Variants in PCDH11X observed in about 807,000 individuals in gnomAD.
The protein encoded by PCDH11X is protocadherin-11 X-linked.
A neutral mutation model predicts 53.3 loss-of-function variants in PCDH11X; 18 were observed. The ratio of observed to expected loss-of-function variants is 0.34; its 90% CI spans 0.23 to 0.50. The LOEUF (loss-of-function observed/expected upper bound fraction) is 0.50, where lower values mean the gene tolerates loss of function less well. Among genes scored for constraint, PCDH11X ranks in the 20% least tolerant of loss-of-function variants. PCDH11X has a pLI of 0.98. For synonymous variants in PCDH11X, 279 were observed against 393.3 expected (o/e 0.71, Z 3.44); for missense variants, 570 against 1,032.4 (o/e 0.55, Z 6.14).
intron 10 of PCDH11X, among the ~76,000 whole-genome samples, chrX:92,577,508 T>C (rs1488017482): frequency 9.1e-6 from 1 of 110,451 alleles, no homozygotes; most frequent in Non-Finnish European, 1.9e-5. Context: ...CCAAGATTAG[T>C]TGAGTTTTTG....
chrX:92,432,300 T>A (rs1288202924), intron 9 of PCDH11X, among the ~76,000 whole-genome samples: 2 of 110,635 alleles, frequency 1.8e-5, no homozygotes, highest in African/African-American at 6.5e-5. Context: ...GAAATACCAT[T>A]TAGATTAGAT....
At chrX:92,598,130 A>C (rs926346960) in intron 10 of PCDH11X, among the ~76,000 whole-genome samples, 11 of 111,766 alleles carry the variant, frequency 9.8e-5, no homozygotes, top group African/African-American at 3.6e-4. Flanking sequence ...CAATCCAGGC[A>C]AAGTTTTCTG....
chrX:92,048,024 G>C (rs1332503593), intron 6 of PCDH11X, among the ~76,000 whole-genome samples: 1 of 110,656 alleles, frequency 9.0e-6, no homozygotes, highest in Non-Finnish European at 1.9e-5. Context: ...TTCAGGTCAG[G>C]CTAAAGTAAT....
intron 10 of PCDH11X, among the ~76,000 whole-genome samples, chrX:92,564,420 A>T (rs1426942207): frequency 9.7e-6 from 1 of 102,765 alleles, no homozygotes. Flanking sequence ...AAAAACAGAC[A>T]CATAGACCAA....
At position 92,584,789 on chromosome X, in the gene PCDH11X, CT is replaced by C. The variant is rs1171667582; in HGVS notation, c.3368-33454del. ...AGGCCAGCATTATTCTCTTTTTTTCCTTTTTTTTTTTTTTTTTTTTTGAGAC... is the reference window on the plus strand; with the variant it reads ...AGGCCAGCATTATTCTCTTTTTTTCCTTTTTTTTTTTTTTTTTTTTGAGAC... On this transcript the variant is annotated intron_variant, in intron 10 of 10. Coordinates refer to ENST00000682573, the MANE Select transcript of PCDH11X (RefSeq NM_032968.5). Among the ~76,000 whole-genome samples the C allele has an allele frequency of 8.8e-3, 575 of 65,099 alleles. 2 individuals are homozygous for C. Among genetic ancestry groups the C allele is most frequent in the East Asian group, 0.037 (72 of 1,936 alleles). The allele number at this position is 65,099 out of a possible 115,157, so 56.5% of individuals were successfully genotyped here. A position where few individuals can be genotyped will look rare whatever the true frequency, so the allele number is the denominator to read the frequency against.
At chrX:91,790,842 A>G (rs758502198) in intron 1 of PCDH11X, among the ~76,000 whole-genome samples, 1 of 110,839 alleles carries the variant, frequency 9.0e-6, no homozygotes, top group South Asian at 3.9e-4. Flanking sequence ...CCATTGAAAT[A>G]AGTGTAAATG....
intron 10 of PCDH11X, among the ~76,000 whole-genome samples, chrX:92,515,965 A>G (rs1398825584): frequency 8.9e-6 from 1 of 112,124 alleles, no homozygotes; most frequent in Non-Finnish European, 1.9e-5. Flanking sequence ...TATACTGCTC[A>G]TGATTCAGTA....
rs751430431 is a variant in PCDH11X at position 92,141,365 on chromosome X, T to G, written c.3034-60010T>G. On this transcript the variant is annotated intron_variant, in intron 6 of 10. Transcript: ENST00000682573. ...CTTGTCTGACTGCTGGGTCAGCAAG[T>G]GGAAATTGCAACATGATTAAGTACT... Among the ~76,000 whole-genome samples the G allele has an allele frequency of 2.7e-5, 3 of 111,908 alleles. No homozygotes were observed. In the East Asian group the frequency reaches 8.4e-4, roughly 31 times the overall value.
intron 8 of PCDH11X, among the ~76,000 whole-genome samples, chrX:92,341,186 C>T (rs1441218704): frequency 8.9e-6 from 1 of 111,856 alleles, no homozygotes; most frequent in African/African-American, 3.3e-5. Flanking sequence ...CATCTGCGAA[C>T]ACGGCAGCCT....
At chrX:91,917,324 G>A (rs1450828870) in intron 6 of PCDH11X, among the ~76,000 whole-genome samples, 1 of 106,050 alleles carries the variant, frequency 9.4e-6, no homozygotes, top group Non-Finnish European at 1.9e-5. Flanking sequence ...AATCAGACAA[G>A]ATAAAGGAAT....
intron 9 of PCDH11X, among the ~76,000 whole-genome samples, chrX:92,396,154 C>T (rs754148316): frequency 1.9e-5 from 2 of 107,165 alleles, no homozygotes; most frequent in Non-Finnish European, 3.8e-5. Flanking sequence ...ATTGTGTGTA[C>T]GTGTGTGTAT....
intron 10 of PCDH11X, among the ~76,000 whole-genome samples, chrX:92,575,167 G>A (rs766783814): frequency 2.7e-5 from 3 of 110,138 alleles, no homozygotes; most frequent in East Asian, 5.7e-4. Flanking sequence ...ATGCATGTAC[G>A]TGTAAGATAA....
At chrX:91,851,517 A>C (rs1254888386) in intron 5 of PCDH11X, among the ~76,000 whole-genome samples, 1 of 111,805 alleles carries the variant, frequency 8.9e-6, no homozygotes, top group Non-Finnish European at 1.9e-5. Context: ...TGTGGGGTAC[A>C]TGAGATATTT....
chrX:92,036,090 C>G (rs1383670455), intron 6 of PCDH11X, among the ~76,000 whole-genome samples: 7 of 73,317 alleles, frequency 9.5e-5, no homozygotes, highest in Non-Finnish European at 1.8e-4. Flanking sequence ...TTTCTCAAAG[C>G]AGATATTTTG....
At chrX:92,256,636 G>T (rs1189063681) in intron 7 of PCDH11X, among the ~76,000 whole-genome samples, 1 of 111,263 alleles carries the variant, frequency 9.0e-6, no homozygotes, top group Non-Finnish European at 1.9e-5. Flanking sequence ...GTGGTGGTTT[G>T]CTGCACAGAT....
At chrX:92,129,596 T>C (rs1410528295) in intron 6 of PCDH11X, among the ~76,000 whole-genome samples, 1 of 111,920 alleles carries the variant, frequency 8.9e-6, no homozygotes, top group African/African-American at 3.2e-5. Flanking sequence ...AAACTAGGCT[T>C]GAGGAAAGGT....
intron 7 of PCDH11X, 29 bp from the exon 8 acceptor site, chrX:92,263,085 T>C: frequency 3.4e-6 from 4 of 1,174,652 alleles, no homozygotes; most frequent in Non-Finnish European, 4.6e-6. Context: ...TTCCTTTGCT[T>C]CCCTTGCCTC....
intron 7 of PCDH11X, among the ~76,000 whole-genome samples, chrX:92,260,390 G>C (rs1429199729): frequency 9.0e-6 from 1 of 110,603 alleles, no homozygotes; most frequent in Non-Finnish European, 1.9e-5. Flanking sequence ...ACTGAGTTCG[G>C]TGCCTCACAA....
chrX:91,825,360 C>T (rs980295982), intron 4 of PCDH11X, among the ~76,000 whole-genome samples: 2 of 111,627 alleles, frequency 1.8e-5, no homozygotes, highest in East Asian at 5.7e-4. Context: ...GAGCCAGGTG[C>T]AGGATATAAT....
Sources: allele counts gnomAD v4.1 joint callset (sites outside exome capture counted in the v4.1 genomes callset), GRCh38; gene constraint gnomAD v4.1.1; transcripts MANE v1.5; gene names NCBI Gene and HGNC (gene_info 2026-07-23, HGNC 2026-07-21).